ZC3H12B: variants seen among roughly 807,000 people sequenced by gnomAD.
ZC3H12B encodes the protein zinc finger CCCH-type containing 12B, also known as probable ribonuclease ZC3H12B.
ZC3H12B carries 7 observed loss-of-function variants against 43.9 expected under a neutral mutation model. That is an observed-to-expected ratio of 0.16 (90% confidence interval 0.09 to 0.30). The LOEUF is 0.30. ZC3H12B is among the 10% of genes least tolerant of loss of function. ZC3H12B has a pLI of 1.00. For missense variants in ZC3H12B, 475 were observed against 670.2 expected (o/e 0.71, Z 3.22); for synonymous variants, 222 against 241.7 (o/e 0.92, Z 0.76).
chrX:65,384,062 A>G (rs2066485018), intron 2 of ZC3H12B, among the ~76,000 whole-genome samples: 1 of 101,120 alleles, frequency 9.9e-6, no homozygotes, highest in South Asian at 5.0e-4. Context: ...ATAAAGACAC[A>G]TGCACACGTA....
chrX:65,386,895 T>C (rs1007248844), intron 2 of ZC3H12B, among the ~76,000 whole-genome samples: 1 of 111,850 alleles, frequency 8.9e-6, no homozygotes, highest in Admixed American at 9.5e-5. Flanking sequence ...GCCTTCATTT[T>C]GTTATGTACC....
At chrX:65,078,040 G>A in the ZC3H12B span, among the ~76,000 whole-genome samples, 1 of 112,005 alleles carries the variant, frequency 8.9e-6, no homozygotes, top group South Asian at 3.7e-4. Context: ...ATTTGGTGAT[G>A]GATTGCATTT....
At chrX:65,365,124 T>C (rs899878068), upstream of ZC3H12B, among the ~76,000 whole-genome samples, 17 of 111,030 alleles carry the variant, frequency 1.5e-4, no homozygotes, top group Non-Finnish European at 2.3e-4. Context: ...CAGTGGAACC[T>C]TCATACCCCT....
chrX:65,242,953 C>A, the ZC3H12B span, among the ~76,000 whole-genome samples: 1 of 112,122 alleles, frequency 8.9e-6, no homozygotes, highest in African/African-American at 3.2e-5. Flanking sequence ...AGTCTCCCGT[C>A]TCTTGCCATA....
chrX:65,307,794 G>T, the ZC3H12B span, among the ~76,000 whole-genome samples: 1 of 111,719 alleles, frequency 9.0e-6, no homozygotes, highest in African/African-American at 3.3e-5. Context: ...TAAGCAAATT[G>T]TTGGAATCAG....
intron 3 of ZC3H12B, among the ~76,000 whole-genome samples, chrX:65,407,067 G>C (rs1224609156): frequency 8.9e-6 from 1 of 112,714 alleles, no homozygotes; most frequent in Non-Finnish European, 1.9e-5. Context: ...CGAAGGTGAA[G>C]GAAGGAAAGA....
chrX:65,474,695 C>A (rs2067969896), intron 3 of ZC3H12B, among the ~76,000 whole-genome samples: 1 of 111,318 alleles, frequency 9.0e-6, no homozygotes, highest in Non-Finnish European at 1.9e-5. Context: ...ACTGCAGCCA[C>A]TGCTTCCTGG....
intron 3 of ZC3H12B, among the ~76,000 whole-genome samples, chrX:65,458,820 G>A (rs12388228): frequency 0.23 from 25,184 of 110,350 alleles, 6,991 homozygotes; most frequent in African/African-American, 0.79. Flanking sequence ...AAGAGGAAAC[G>A]CATTCAAAAG....
the ZC3H12B span, among the ~76,000 whole-genome samples, chrX:65,155,213 C>T: frequency 1.8e-5 from 2 of 110,256 alleles, no homozygotes. Flanking sequence ...CCACCTTGGC[C>T]TCCCAAAATG....
At chrX:65,054,314 G>C in the ZC3H12B span, among the ~76,000 whole-genome samples, 1 of 111,696 alleles carries the variant, frequency 9.0e-6, no homozygotes, top group East Asian at 2.8e-4. Context: ...TCCAGTTTCA[G>C]CTTTCTACAT....
At chrX:65,220,953 A>C in the ZC3H12B span, among the ~76,000 whole-genome samples, 15 of 111,959 alleles carry the variant, frequency 1.3e-4, no homozygotes, top group Non-Finnish European at 2.6e-4. Flanking sequence ...GATAGGCCAC[A>C]AAACAAGTTT....
intron 3 of ZC3H12B, among the ~76,000 whole-genome samples, chrX:65,441,800 C>A (rs1481080512): frequency 1.8e-5 from 2 of 110,959 alleles, no homozygotes; most frequent in Admixed American, 9.6e-5. Context: ...AAGTCTACTG[C>A]GGCACTACCA....
At chrX:65,414,509 T>A (rs2066938633) in intron 3 of ZC3H12B, among the ~76,000 whole-genome samples, 1 of 111,542 alleles carries the variant, frequency 9.0e-6, no homozygotes, top group South Asian at 3.8e-4. Context: ...ATCGATTCTG[T>A]CAAGGTGAAG....
chrX:65,108,367 C>T, the ZC3H12B span, among the ~76,000 whole-genome samples: 1 of 111,107 alleles, frequency 9.0e-6, no homozygotes, highest in Admixed American at 9.6e-5. Flanking sequence ...AATATATATT[C>T]TTTATATCCT....
the ZC3H12B span, among the ~76,000 whole-genome samples, chrX:65,309,136 A>T: frequency 9.2e-6 from 1 of 108,717 alleles, no homozygotes; most frequent in Non-Finnish European, 1.9e-5. Context: ...AATAACTAAG[A>T]TCAGAGCAGA....
chrX:65,503,444 G>A, exon 5 of ZC3H12B: 1 of 321,140 alleles, frequency 3.1e-6, no homozygotes, highest in South Asian at 6.3e-5. Flanking sequence ...GCTAGCAAAT[G>A]ACTAAGTCAA....
At chrX:65,211,788 A>T in the ZC3H12B span, among the ~76,000 whole-genome samples, 1 of 80,987 alleles carries the variant, frequency 1.2e-5, no homozygotes, top group Non-Finnish European at 2.2e-5. Flanking sequence ...ATATATTATA[A>T]ATATTATGTA....
the ZC3H12B span, among the ~76,000 whole-genome samples, chrX:65,288,094 C>G: frequency 1.8e-5 from 2 of 109,720 alleles, no homozygotes; most frequent in Non-Finnish European, 3.8e-5. Context: ...CATACAACCT[C>G]CCAATATTTA....
the ZC3H12B span, among the ~76,000 whole-genome samples, chrX:65,291,504 G>T: frequency 1.8e-5 from 2 of 111,837 alleles, no homozygotes; most frequent in African/African-American, 6.5e-5. Flanking sequence ...CAACATAAAT[G>T]AACCTTGAGG....
Sources: gnomAD v4.1 joint callset for allele counts (sites outside exome capture counted in the v4.1 genomes callset) on GRCh38, gnomAD v4.1.1 for gene constraint, MANE v1.5 for transcripts, NCBI Gene and HGNC (gene_info 2026-07-23, HGNC 2026-07-21) for gene names.